Variants in TAF5 observed in about 807,000 individuals in gnomAD.
TAF5 encodes the protein TATA-box binding protein associated factor 5.
A neutral mutation model predicts 80.9 loss-of-function variants in TAF5; 20 were observed. The ratio of observed to expected loss-of-function variants is 0.25; its 90% CI spans 0.17 to 0.36. The LOEUF is 0.36. TAF5 is among the 10% of genes least tolerant of loss of function. The probability of loss-of-function intolerance (pLI) is 1.00; values close to 1 mark genes in which losing one functional copy is unlikely to be tolerated. For missense variants in TAF5, 863 were observed against 1,029.4 expected, an observed-to-expected ratio of 0.84 and a Z score of 2.21; for synonymous variants, 388 against 406.4, an observed-to-expected ratio of 0.95 and a Z score of 0.55.
intron 1 of TAF5, among the ~76,000 whole-genome samples, 163 bp from the exon 2 acceptor site, chr10:103,373,195 C>CAAA (rs371928380): frequency 1.0e-5 from 1 of 99,532 alleles, no homozygotes; most frequent in African/African-American, 3.7e-5. Flanking sequence ...GACTCCCTCT[C>CAAA]AAAAAAAAAA....
chr10:103,388,328 T>A lies in TAF5; in HGVS notation c.*105T>A. Reference sequence around the variant, plus strand: ...TTAAGCTACAGAGAATGTTTTTGTCTATATGGATCTGGAAGTATGCTGCTT... The same window carrying A: ...TTAAGCTACAGAGAATGTTTTTGTCAATATGGATCTGGAAGTATGCTGCTT... On this transcript the variant is annotated 3_prime_UTR_variant, in exon 11 of 11. Coordinates refer to ENST00000369839, the MANE Select transcript of TAF5 (RefSeq NM_006951.5). 1 of 1,009,336 alleles carries A rather than the reference T, an allele frequency of 9.9e-7. No individual in the cohort carries two copies. Among genetic ancestry groups the A allele is most frequent in the Non-Finnish European group, 1.4e-6 (1 of 695,920 alleles). 62.5% of individuals were successfully genotyped at this position (1,009,336 alleles called of 1,614,324 possible). A position where few individuals can be genotyped will look rare whatever the true frequency, so the allele number is the denominator to read the frequency against.
chr10:103,377,452 T>G (rs950111446), intron 2 of TAF5, among the ~76,000 whole-genome samples: 21 of 152,366 alleles, frequency 1.4e-4, no homozygotes, highest in Admixed American at 1.1e-3. Flanking sequence ...AGTCATTGTT[T>G]TAAAAATGTT....
In TAF5 at chr10:103,378,763, T is replaced by G. The variant is rs1305403329; in HGVS notation, c.1113+213T>G. Among the ~76,000 whole-genome samples the G allele has an allele frequency of 6.6e-6, 1 of 152,126 alleles. No individual in the cohort carries two copies. Among genetic ancestry groups the G allele is most frequent in the East Asian group, 1.9e-4 (1 of 5,196 alleles). ...ACCTCCACCTCCTGGGTTCAAGTGA[T>G]TCTCCTGCCTCAGCTTCCCGAGTAG... On this transcript the variant is annotated intron_variant, in intron 3 of 10. Coordinates refer to ENST00000369839, the MANE Select transcript of TAF5 (RefSeq NM_006951.5). The surrounding 1 kb of genome is among the most constrained non-coding windows in gnomAD (Gnocchi z 4.1).
intron 1 of TAF5, 55 bp downstream of exon 1, chr10:103,368,603 A>G (rs1012554955): frequency 3.9e-5 from 56 of 1,444,654 alleles, no homozygotes; most frequent in Admixed American, 2.9e-4. Flanking sequence ...GCAAGCCGGT[A>G]AGGCAGGGGC....
chr10:103,386,695 G>A (rs1440437332), intron 8 of TAF5, among the ~76,000 whole-genome samples: 2 of 142,308 alleles, frequency 1.4e-5, no homozygotes, highest in Admixed American at 7.4e-5. Flanking sequence ...ACAGAGTCTC[G>A]CTCTGTTACC....
intron 1 of TAF5, among the ~76,000 whole-genome samples, chr10:103,372,328 C>T (rs1380729049): frequency 6.0e-5 from 9 of 150,012 alleles, no homozygotes; most frequent in Admixed American, 3.3e-4. Flanking sequence ...TATGGCTGGG[C>T]GCGGTGGCTC....
At chr10:103,376,981 T>C (rs1441031975) in intron 2 of TAF5, among the ~76,000 whole-genome samples, 1 of 151,872 alleles carries the variant, frequency 6.6e-6, no homozygotes, top group Non-Finnish European at 1.5e-5. Flanking sequence ...GAGGTGGAGG[T>C]TGCAGCGAGC....
At chr10:103,386,134 G>A (rs2093395808) in intron 8 of TAF5, among the ~76,000 whole-genome samples, 1 of 151,380 alleles carries the variant, frequency 6.6e-6, no homozygotes, top group Non-Finnish European at 1.5e-5. Flanking sequence ...TGAGGATAAG[G>A]TAGTTCAGGT....
In TAF5 at chr10:103,368,088, C is replaced by G. The variant is rs1446107241; in HGVS notation, c.99C>G (p.Gly33=). Residue 33 remains glycine (G), a synonymous_variant, in exon 1 of 11, where the codon GGC becomes GGG. Transcript: ENST00000369839. ...CTCCGCAGGCGGGGGACGGCGCAGG[C>G]GAGGGTAGCGGCGGCACTACCAACA... ...LLPPQAGDGA[G]EGSGGTTNNG... is the part of the protein sequence containing the mutation. 1.3e-5 allele frequency: 18 copies of G among 1,427,628 alleles called. 1 individual carries two copies. In the South Asian group the frequency reaches 2.6e-4, roughly 20 times the overall value. The allele number at this position is 1,427,628 out of a possible 1,614,324, so 88.4% of individuals were successfully genotyped here. A position where few individuals can be genotyped will look rare whatever the true frequency, so the allele number is the denominator to read the frequency against.
At position 103,381,753 on chromosome 10, in the gene TAF5, T is replaced by C. The variant is rs1313646048; in HGVS notation, c.1446T>C (p.Ser482=). The change falls in exon 6 of 11, where the codon TCT becomes TCC. Residue 482 remains serine, a synonymous_variant. Transcript: ENST00000369839. ...GLTAVDVTDD[S]SLIAGGFADS... ...CTGCAGTGGATGTCACTGATGATTC[T>C]AGTCTGATTGCTGGAGGTTTTGCAG... The C allele has an allele frequency of 2.9e-5, 47 of 1,614,076 alleles. No homozygotes were observed. The highest frequency in any genetic ancestry group is 3.7e-5 in the Non-Finnish European group (44 of 1,180,034).
chr10:103,387,229 T>C lies in TAF5; in HGVS notation c.1884T>C (p.Ala628=), dbSNP rs1177686314. 1 of 1,614,124 alleles carries C rather than the reference T, an allele frequency of 6.2e-7. No homozygotes were observed. The change falls in exon 9 of 11, where the codon GCT becomes GCC. Residue 628 remains alanine (A), a synonymous_variant. Coordinates refer to ENST00000369839, the MANE Select transcript of TAF5 (RefSeq NM_006951.5). ...QPLRIFAGHL[A]DVNCTRFHPN... ...TAAGAATATTTGCCGGCCATCTTGC[T>C]GATGTGAATTGTACCAGATTCCATC...
Position 103,387,337 on chromosome 10 carries a change from C to T in TAF5, c.1992C>T (p.Ile664=). ...WDVLNGNCVR[I]FTGHKGPIHS... The stretch of plus-strand genomic sequence containing the variant: ...TCCTGAATGGTAACTGTGTAAGGAT[C>T]TTCACTGGACACAAGGTATTTTACA... The change falls in exon 9 of 11, where the codon ATC becomes ATT. Residue 664 remains isoleucine (I), a synonymous_variant. Coordinates refer to ENST00000369839, the MANE Select transcript of TAF5 (RefSeq NM_006951.5). 6.2e-7 allele frequency: 1 copy of T among 1,611,942 alleles called. No individual in the cohort carries two copies. The highest frequency in any genetic ancestry group is 8.5e-7 in the Non-Finnish European group (1 of 1,178,992).
Position 103,368,123 on chromosome 10 carries a change from A to G in TAF5, c.134A>G (p.Asn45Ser), listed in dbSNP as rs1345389819. 8 of 1,403,266 alleles carry G rather than the reference A, an allele frequency of 5.7e-6. No individual in the cohort carries two copies. Among genetic ancestry groups the G allele is most frequent in the East Asian group, 6.1e-5 (2 of 33,014 alleles). 86.9% of individuals were successfully genotyped at this position (1,403,266 alleles called of 1,614,324 possible). The part of the protein sequence containing the change: ...GSGGTTNNGP[N>S]GGGGNVAASS... ...GGCGGCACTACCAACAACGGCCCCA[A>G]CGGCGGCGGCGGGAACGTTGCGGCG... The change falls in exon 1 of 11, where the codon AAC (asparagine) becomes AGC (serine). Residue 45 changes from asparagine (N) to serine (S), a missense_variant. This residue lies in a region of TAF5 where 367 missense variants were observed against 335.5 expected (regional missense o/e 1.09). Coordinates refer to ENST00000369839, the MANE Select transcript of TAF5 (RefSeq NM_006951.5).
At chr10:103,377,051 G>A (rs1447323140) in intron 2 of TAF5, among the ~76,000 whole-genome samples, 1 of 152,194 alleles carries the variant, frequency 6.6e-6, no homozygotes, top group Non-Finnish European at 1.5e-5. Context: ...AGCTACTCGG[G>A]AGACTGAGGC....
chr10:103,376,963 G>A (rs1228417567), intron 2 of TAF5, among the ~76,000 whole-genome samples: 1 of 152,174 alleles, frequency 6.6e-6, no homozygotes, highest in Non-Finnish European at 1.5e-5. Context: ...AGAATTGCTT[G>A]AGCCCTGGAG....
chr10:103,387,954 C>T (rs932675589), intron 10 of TAF5, 52 bp from the exon 11 acceptor site: 14 of 1,531,282 alleles, frequency 9.1e-6, no homozygotes, highest in East Asian at 4.5e-5. Context: ...ACAAAATGTC[C>T]GAATGTAAAT....
At chr10:103,381,980 A>G (rs2093384048) in intron 6 of TAF5, 139 bp downstream of exon 6, 2 of 1,264,716 alleles carry the variant, frequency 1.6e-6, no homozygotes, top group African/African-American at 1.5e-5. Context: ...AACATTCCCA[A>G]CAGTGAAAAA....
At chr10:103,382,568 T>C (rs1169836212) in intron 6 of TAF5, among the ~76,000 whole-genome samples, 1 of 151,952 alleles carries the variant, frequency 6.6e-6, no homozygotes, top group Non-Finnish European at 1.5e-5. Flanking sequence ...CGGCCTGAAA[T>C]AAAGTTTTTT....
chr10:103,376,905 A>G (rs1331330514), intron 2 of TAF5, among the ~76,000 whole-genome samples: 3 of 152,162 alleles, frequency 2.0e-5, no homozygotes, highest in African/African-American at 7.2e-5. Context: ...TTAGCCAGCC[A>G]TGGTGGCACG....
Sources: gnomAD v4.1 joint callset for allele counts (sites outside exome capture counted in the v4.1 genomes callset) on GRCh38, gnomAD v4.1.1 for gene constraint, gnomAD v4.1.1 regional missense constraint, Gnocchi (gnomAD v3.1) non-coding constraint, MANE v1.5 for transcripts, NCBI Gene and HGNC (gene_info 2026-07-23, HGNC 2026-07-21) for gene names.